The following PCMT1 variants were observed in gnomAD, a reference collection of about 807,000 sequenced individuals.
PCMT1 encodes the protein protein-L-isoaspartate(D-aspartate) O-methyltransferase.
A neutral mutation model predicts 29.2 loss-of-function variants in PCMT1; 9 were observed. The observed-to-expected ratio is 0.31, with a 90% CI of 0.19 to 0.54. PCMT1 has a LOEUF of 0.54. PCMT1 is among the 20% of genes least tolerant of loss of function. PCMT1 has a pLI of 0.95. For missense variants in PCMT1, 184 were observed against 282.2 expected, an observed-to-expected ratio of 0.65 and a Z score of 2.49; for synonymous variants, 98 against 97.5, an observed-to-expected ratio of 1.00 and a Z score of -0.03.
rs535830024 is a variant in PCMT1, at chr6:149,794,478, C to T, written c.418+809C>T. ...ACTAAAAATACAAAAATAAGCTGGG[C>T]GTGGTGGCGCACGCCTGTAGTCCTA... On this transcript the variant is annotated intron_variant, in intron 5 of 7. Transcript: ENST00000464889. Among the ~76,000 whole-genome samples the T allele has an allele frequency of 4.6e-5, 7 of 152,140 alleles. No individual in the cohort carries two copies. In the East Asian group the frequency reaches 7.7e-4, roughly 17 times the overall value.
upstream of PCMT1, chr6:149,749,739 G>T: frequency 6.5e-7 from 1 of 1,546,002 alleles, no homozygotes; most frequent in Non-Finnish European, 8.7e-7. Flanking sequence ...TGCCGGGAGC[G>T]CGCAGTGGCG....
intron 5 of PCMT1, 64 bp downstream of exon 5, chr6:149,793,733 A>T (rs965842696): frequency 2.2e-6 from 3 of 1,365,604 alleles, no homozygotes; most frequent in Non-Finnish European, 2.9e-6. Flanking sequence ...ATCCAATGCA[A>T]GCTAAATAAT....
At chr6:149,769,305 A>ATTTTTT (rs1234622188) in intron 1 of PCMT1, among the ~76,000 whole-genome samples, 8 of 48,084 alleles carry the variant, frequency 1.7e-4, no homozygotes, top group African/African-American at 8.9e-4. Context: ...TTTGTGCAGG[A>ATTTTTT]TTCTTTTTTT....
intron 3 of PCMT1, among the ~76,000 whole-genome samples, chr6:149,787,386 A>G (rs554065885): frequency 2.7e-5 from 4 of 146,886 alleles, no homozygotes; most frequent in African/African-American, 1.0e-4. Context: ...TTTTTTTTTG[A>G]GACGGAATCT....
intron 2 of PCMT1, chr6:149,771,879 G>C (rs1787340575): frequency 2.4e-6 from 1 of 420,718 alleles, no homozygotes; most frequent in South Asian, 1.7e-5. Flanking sequence ...TTCTTTAGGG[G>C]CCTTAGTGTT....
intron 1 of PCMT1, among the ~76,000 whole-genome samples, chr6:149,758,185 AT>A (rs58659986): frequency 1.4e-4 from 14 of 100,898 alleles, no homozygotes; most frequent in African/African-American, 4.1e-4. Flanking sequence ...CGCCCAACCA[AT>A]TTTTTTTTTC....
intron 7 of PCMT1, chr6:149,802,619 G>T (rs62441336): frequency 1.3e-4 from 79 of 589,680 alleles, no homozygotes; most frequent in African/African-American, 6.9e-4. Flanking sequence ...TTTTTTGTTT[G>T]TTTGTTTGTT....
intron 1 of PCMT1, among the ~76,000 whole-genome samples, chr6:149,756,512 CTTT>C (rs61038108): frequency 0.036 from 2,672 of 74,688 alleles, 669 homozygotes; most frequent in African/African-American, 0.12. Context: ...CCATGACTGG[CTTT>C]TTTTTTTTTT....
At chr6:149,809,528 T>TGGA (rs1776107044) in intron 7 of PCMT1, among the ~76,000 whole-genome samples, 1 of 152,062 alleles carries the variant, frequency 6.6e-6, no homozygotes, top group Non-Finnish European at 1.5e-5. Context: ...GGCAGCTTAT[T>TGGA]GGAGAAATGA....
At chr6:149,782,801 T>A (rs1787868279) in intron 3 of PCMT1, among the ~76,000 whole-genome samples, 1 of 152,070 alleles carries the variant, frequency 6.6e-6, no homozygotes, top group South Asian at 2.1e-4. Flanking sequence ...CGAAAATGAT[T>A]TTTTTCAGAA....
intron 1 of PCMT1, among the ~76,000 whole-genome samples, chr6:149,760,806 C>T (rs376034217): frequency 2.2e-4 from 34 of 152,216 alleles, no homozygotes; most frequent in African/African-American, 7.7e-4. Context: ...GAGCCAAGAT[C>T]GTACCACTGC....
At chr6:149,795,332 A>G (rs1323497352) in intron 5 of PCMT1, 6 of 389,918 alleles carry the variant, frequency 1.5e-5, no homozygotes, top group Middle Eastern at 4.8e-4. Flanking sequence ...AGTACTGGGA[A>G]CAGCAGTAGA....
At chr6:149,799,565 G>T (rs1228740587) in intron 6 of PCMT1, among the ~76,000 whole-genome samples, 1 of 152,060 alleles carries the variant, frequency 6.6e-6, no homozygotes, top group African/African-American at 2.4e-5. Flanking sequence ...TGCTTCTGAA[G>T]GAACTTTCTT....
chr6:149,769,919 G>A (rs914661769), intron 1 of PCMT1, among the ~76,000 whole-genome samples: 1 of 152,000 alleles, frequency 6.6e-6, no homozygotes, highest in African/African-American at 2.4e-5. Flanking sequence ...AATTGTTGGG[G>A]AAGGCAAATA....
In PCMT1 at chr6:149,793,704, G is replaced by T. The variant is rs767624726; in HGVS notation, c.418+35G>T. 1.3e-5 allele frequency: 19 copies of T among 1,509,918 alleles called. 1 individual carries two copies. The South Asian group carries it at 2.6e-4, about 21-fold the overall frequency. 93.5% of individuals were successfully genotyped at this position (1,509,918 alleles called of 1,614,324 possible). On this transcript the variant is annotated intron_variant, in intron 5 of 7. Coordinates refer to ENST00000464889, the MANE Select transcript of PCMT1 (RefSeq NM_001360452.2). Reference sequence around the variant, plus strand: ...AGAAAACTTTAAAAATTTCTTCAGAGGATTTTTATTTTCAGAAGATCCAAT... The same window carrying T: ...AGAAAACTTTAAAAATTTCTTCAGATGATTTTTATTTTCAGAAGATCCAAT...
chr6:149,805,440 A>G lies in PCMT1; in HGVS notation c.*37+3024A>G, dbSNP rs1466781167. Among the ~76,000 whole-genome samples, 6 of 149,728 alleles carry G rather than the reference A, an allele frequency of 4.0e-5. No homozygotes were observed. In the East Asian group the frequency reaches 1.2e-3, roughly 30 times the overall value. Reference sequence around the variant, plus strand: ...AACCCCGTCTCTCCTAAAAATACAAAAAAATTAGCCGGGCGTGGTGGCAGG... The same window carrying G: ...AACCCCGTCTCTCCTAAAAATACAAGAAAATTAGCCGGGCGTGGTGGCAGG... On this transcript the variant is annotated intron_variant, in intron 7 of 7. Coordinates refer to ENST00000464889, the MANE Select transcript of PCMT1 (RefSeq NM_001360452.2).
rs957070534 is a variant in PCMT1 at position 149,792,822 on chromosome 6, T to C, written c.298-727T>C. Among the ~76,000 whole-genome samples, 12 of 152,280 alleles carry C rather than the reference T, an allele frequency of 7.9e-5. No homozygotes were observed. In the East Asian group the frequency reaches 2.1e-3, roughly 27 times the overall value. On this transcript the variant is annotated intron_variant, in intron 4 of 7. Coordinates refer to ENST00000464889, the MANE Select transcript of PCMT1 (RefSeq NM_001360452.2). ...GTGTGAGCCACTGTATATATTTTCA[T>C]GTTTTCTACTAAAAGCAGTAGAAAC...
intron 1 of PCMT1, among the ~76,000 whole-genome samples, chr6:149,770,305 C>G (rs889387745): frequency 6.6e-6 from 1 of 152,138 alleles, no homozygotes; most frequent in Admixed American, 6.6e-5. Flanking sequence ...ATGGCATCAG[C>G]GTATCAATGA....
chr6:149,804,084 A>AG (rs951646811), intron 7 of PCMT1, among the ~76,000 whole-genome samples: 5 of 150,552 alleles, frequency 3.3e-5, no homozygotes, highest in Non-Finnish European at 5.9e-5. Context: ...CTGTCTCAAA[A>AG]AAAAAAAAAA....
Sources: allele counts gnomAD v4.1 joint callset (sites outside exome capture counted in the v4.1 genomes callset), GRCh38; gene constraint gnomAD v4.1.1; transcripts MANE v1.5; gene names NCBI Gene and HGNC (gene_info 2026-07-23, HGNC 2026-07-21).